Variants in OPA1 observed in about 807,000 individuals in gnomAD.
The protein encoded by OPA1 is dynamin-like GTPase OPA1, mitochondrial.
A neutral mutation model predicts 152.9 loss-of-function variants in OPA1; 59 were observed. The ratio of observed to expected loss-of-function variants is 0.39; its 90% CI spans 0.31 to 0.48. OPA1 has a LOEUF of 0.48. Ranked by LOEUF, OPA1 falls within the 20% of genes least tolerant of loss-of-function variation. OPA1 has a pLI of 0.96. For missense variants in OPA1, 1,008 were observed against 1,216.8 expected, an observed-to-expected ratio of 0.83 and a Z score of 2.55; for synonymous variants, 400 against 389.9, an observed-to-expected ratio of 1.03 and a Z score of -0.31.
intron 1 of OPA1, among the ~76,000 whole-genome samples, chr3:193,596,407 T>TTTCTTTTTTTTTCTTTTCTTTTCTTTTC (rs1725589303): frequency 9.8e-6 from 1 of 101,872 alleles, no homozygotes; most frequent in Admixed American, 1.1e-4. Flanking sequence ...TTTCTTTTCT[T>TTTCTTTTTTTTTCTTTTCTTTTCTTTTC]TTCTTTTCTT....
chr3:193,608,656 G>C (rs1437552599), intron 1 of OPA1, among the ~76,000 whole-genome samples: 1 of 152,142 alleles, frequency 6.6e-6, no homozygotes, highest in African/African-American at 2.4e-5. Context: ...GTGCAGTGTG[G>C]TGCTAAGAAG....
chr3:193,679,814 C>G (rs1315679971), intron 29 of OPA1, among the ~76,000 whole-genome samples: 2 of 152,072 alleles, frequency 1.3e-5, no homozygotes, highest in East Asian at 3.9e-4. Context: ...TCTATGTATG[C>G]TCAGTGCCAG....
intron 1 of OPA1, chr3:193,603,662 A>G (rs919965479): frequency 3.9e-5 from 6 of 152,220 alleles, no homozygotes; most frequent in African/African-American, 9.6e-5. Flanking sequence ...GCTGTGTGAC[A>G]TGTTCAGGTA....
At chr3:193,662,631 G>A (rs1420322203) in intron 25 of OPA1, among the ~76,000 whole-genome samples, 191 bp from the exon 26 acceptor site, 1 of 150,648 alleles carries the variant, frequency 6.6e-6, no homozygotes, top group Non-Finnish European at 1.5e-5. Context: ...AAATTCTTCT[G>A]TGTTCATAGG....
At chr3:193,616,299 T>C (rs183111025) in intron 3 of OPA1, among the ~76,000 whole-genome samples, 1 of 152,338 alleles carries the variant, frequency 6.6e-6, no homozygotes, top group Non-Finnish European at 1.5e-5. Context: ...TGAGCCACTA[T>C]GCCTGGCTTG....
At chr3:193,644,595 C>A (rs762496642) in intron 16 of OPA1, among the ~76,000 whole-genome samples, 2 of 152,154 alleles carry the variant, frequency 1.3e-5, no homozygotes, top group Non-Finnish European at 2.9e-5. Context: ...TTTTTAAGGA[C>A]AGTAGTCTCA....
At chr3:193,613,397 T>G (rs1728545062) in intron 1 of OPA1, among the ~76,000 whole-genome samples, 1 of 152,180 alleles carries the variant, frequency 6.6e-6, no homozygotes, top group Non-Finnish European at 1.5e-5. Flanking sequence ...TTAACCTTAC[T>G]CGGTGTTTCT....
intron 25 of OPA1, among the ~76,000 whole-genome samples, chr3:193,661,499 A>G (rs939876063): frequency 2.6e-5 from 4 of 152,182 alleles, no homozygotes; most frequent in Non-Finnish European, 5.9e-5. Context: ...TGGATTCTAG[A>G]AGAGGTTGAG....
At chr3:193,605,390 T>C (rs577739792) in intron 1 of OPA1, among the ~76,000 whole-genome samples, 3 of 152,244 alleles carry the variant, frequency 2.0e-5, no homozygotes, top group Admixed American at 6.5e-5. Flanking sequence ...CATGGAATTA[T>C]GAGTCCTTGT....
At chr3:193,612,527 A>G (rs563341497) in intron 1 of OPA1, among the ~76,000 whole-genome samples, 1 of 152,180 alleles carries the variant, frequency 6.6e-6, no homozygotes, top group South Asian at 2.1e-4. Flanking sequence ...CCATGAGACA[A>G]TACATCCCAC....
intron 21 of OPA1, among the ~76,000 whole-genome samples, chr3:193,651,309 G>T (rs1179256317): frequency 1.3e-5 from 2 of 152,180 alleles, no homozygotes; most frequent in African/African-American, 4.8e-5. Flanking sequence ...ATTTAGGCAA[G>T]ATGTGATCAT....
intron 1 of OPA1, among the ~76,000 whole-genome samples, chr3:193,610,434 C>T (rs1167948718): frequency 1.3e-5 from 2 of 152,170 alleles, no homozygotes; most frequent in Non-Finnish European, 2.9e-5. Context: ...TGTGAGGTGT[C>T]AGTCTGCCCC....
At chr3:193,601,771 G>GA (rs763608520) in intron 1 of OPA1, among the ~76,000 whole-genome samples, 61 of 152,276 alleles carry the variant, frequency 4.0e-4, no homozygotes, top group Non-Finnish European at 7.9e-4. Context: ...TTTATCAGTT[G>GA]AAAAAGAGTG....
intron 30 of OPA1, 33 bp downstream of exon 30, chr3:193,692,165 G>A: frequency 9.1e-7 from 1 of 1,095,254 alleles, no homozygotes; most frequent in Non-Finnish European, 1.4e-6. Flanking sequence ...TATTGGTGCT[G>A]ACTAAATACA....
At chr3:193,674,504 G>A (rs1476864599) in intron 29 of OPA1, among the ~76,000 whole-genome samples, 1 of 152,304 alleles carries the variant, frequency 6.6e-6, no homozygotes, top group African/African-American at 2.4e-5. Flanking sequence ...GATTAGAAAT[G>A]TATCATAACT....
chr3:193,688,513 A>G (rs150354101), intron 29 of OPA1, among the ~76,000 whole-genome samples: 7 of 102,344 alleles, frequency 6.8e-5, no homozygotes, highest in African/African-American at 1.8e-4. Flanking sequence ...GAGTCTCGCT[A>G]TGTCACCAGG....
chr3:193,635,325 G>T, intron 8 of OPA1, 93 bp from the exon 9 acceptor site: 2 of 744,924 alleles, frequency 2.7e-6, no homozygotes, highest in Admixed American at 4.3e-5. Context: ...TAGGAGATAT[G>T]ACTTCAAGAT....
At position 193,620,811 on chromosome 3, in the gene OPA1, G is replaced by A. The variant is rs1013228056; in HGVS notation, c.678+1875G>A. 2.0e-5 allele frequency among the ~76,000 whole-genome samples: 3 copies of A among 152,144 alleles called. No homozygotes were observed. In the South Asian group the frequency reaches 6.2e-4, roughly 32 times the overall value. ...TGCAGCATTGTGTTTGCAAAGCTTG[G>A]CTGTTACTTGTGATGCTTGAGAATG... On this transcript the variant is annotated intron_variant, in intron 6 of 30. Transcript: ENST00000361510.
intron 21 of OPA1, among the ~76,000 whole-genome samples, chr3:193,650,206 T>G (rs1156682149): frequency 6.6e-6 from 1 of 152,176 alleles, no homozygotes; most frequent in Non-Finnish European, 1.5e-5. Context: ...AAGAGAATTG[T>G]GAGGGGACAG....
Sources: allele counts gnomAD v4.1 joint callset (sites outside exome capture counted in the v4.1 genomes callset), GRCh38; gene constraint gnomAD v4.1.1; transcripts MANE v1.5; gene names NCBI Gene and HGNC (gene_info 2026-07-23, HGNC 2026-07-21).